ACOT12: variants seen among roughly 807,000 people sequenced by gnomAD.
The protein encoded by ACOT12 is acyl-CoA thioesterase 12.
A neutral mutation model predicts 67.7 loss-of-function variants in ACOT12; 51 were observed. The ratio of observed to expected loss-of-function variants is 0.75; its 90% confidence interval spans 0.60 to 0.95. The LOEUF is 0.95. Among genes scored for constraint, ACOT12 ranks in the 40% least tolerant of loss-of-function variants. The probability of loss-of-function intolerance (pLI) is 0.00; values close to 1 mark genes in which losing one functional copy is unlikely to be tolerated. For missense variants in ACOT12, 734 were observed against 708.1 expected (o/e 1.04, Z -0.41); for synonymous variants, 251 against 244.6 (o/e 1.03, Z -0.24).
intron 12 of ACOT12, among the ~76,000 whole-genome samples, chr5:81,334,110 A>G (rs77771613): frequency 0.025 from 3,807 of 152,128 alleles, 60 homozygotes; most frequent in African/African-American, 0.046. Context: ...TTCCCACTCC[A>G]TCCTCCTTCT....
intron 4 of ACOT12, among the ~76,000 whole-genome samples, chr5:81,361,339 CA>C (rs1446711408): frequency 3.3e-4 from 50 of 151,610 alleles, no homozygotes. Flanking sequence ...GGATTGCAGG[CA>C]AACGTCACTA....
chr5:81,350,767 G>T (rs1349016959), intron 5 of ACOT12, among the ~76,000 whole-genome samples: 2 of 152,190 alleles, frequency 1.3e-5, no homozygotes, highest in African/African-American at 4.8e-5. Context: ...GAAAGGGAGA[G>T]AATTTTTTTT....
At chr5:81,346,091 T>G in intron 6 of ACOT12, 87 bp from the exon 7 acceptor site, 1 of 1,546,354 alleles carries the variant, frequency 6.5e-7, no homozygotes, top group Non-Finnish European at 8.7e-7. Flanking sequence ...CAAATAAGCA[T>G]TTCTTTAAAT....
intron 8 of ACOT12, 50 bp from the exon 9 acceptor site, chr5:81,344,265 T>C: frequency 6.5e-7 from 1 of 1,534,268 alleles, no homozygotes; most frequent in Non-Finnish European, 8.9e-7. Context: ...AAATATCTAC[T>C]ATCTTAGTGC....
chr5:81,380,016 G>A (rs987284567), intron 2 of ACOT12, among the ~76,000 whole-genome samples: 1 of 152,164 alleles, frequency 6.6e-6, no homozygotes, highest in African/African-American at 2.4e-5. Flanking sequence ...ATAATCTGTA[G>A]CATTTTTTGG....
In ACOT12 at chr5:81,350,837, A is replaced by G. The variant is rs1301799605; in HGVS notation, c.497-2907T>C. ...TGGAATTTTTCTGGTTGACTCACTGAGGGAATCACCTTTTGGAGGTTCCAG... is the reference window on the plus strand; with the variant it reads ...TGGAATTTTTCTGGTTGACTCACTGGGGGAATCACCTTTTGGAGGTTCCAG... On this transcript the variant is annotated intron_variant, in intron 5 of 14. Transcript: ENST00000307624. Among the ~76,000 whole-genome samples the G allele has an allele frequency of 2.6e-5, 4 of 152,104 alleles. No homozygotes were observed. In the East Asian group the frequency reaches 7.7e-4, roughly 29 times the overall value.
chr5:81,382,873 C>A (rs1760624516), intron 2 of ACOT12, among the ~76,000 whole-genome samples: 1 of 151,970 alleles, frequency 6.6e-6, no homozygotes, highest in African/African-American at 2.4e-5. Flanking sequence ...TCCATAGGCT[C>A]TTAATGAATA....
chr5:81,339,907 T>C (rs932245434), intron 11 of ACOT12, among the ~76,000 whole-genome samples: 8 of 152,206 alleles, frequency 5.3e-5, no homozygotes, highest in Non-Finnish European at 7.4e-5. Context: ...TTTTTTTTTA[T>C]AGAGATGAAG....
rs1174268002 is a variant in ACOT12, at chr5:81,363,864, T to A, written c.284A>T (p.Asp95Val). ...AAGCTTCTCAATGCCAGTGAGCATA[T>A]CCTGTACCATGACCTTGATACTGAT... ...MEISIKVMVQ[D>V]MLTGIEKLVS... Residue 95 changes from aspartate (D) to valine (V), a missense_variant, in exon 4 of 15, where the codon GAT (aspartate) becomes GTT (valine). Transcript: ENST00000307624. 7 of 1,610,204 alleles carry A rather than the reference T, an allele frequency of 4.3e-6. No homozygotes were observed. The highest frequency in any genetic ancestry group is 5.9e-6 in the Non-Finnish European group (7 of 1,178,394).
At chr5:81,318,103 G>T in the ACOT12 span, among the ~76,000 whole-genome samples, 1 of 151,900 alleles carries the variant, frequency 6.6e-6, no homozygotes, top group Admixed American at 6.6e-5. Flanking sequence ...GGCTAGTCTC[G>T]ACCTCCTGAC....
the ACOT12 span, among the ~76,000 whole-genome samples, chr5:81,323,920 G>GTGTATATATACA: frequency 1.4e-5 from 2 of 140,746 alleles, no homozygotes; most frequent in Non-Finnish European, 3.1e-5. Flanking sequence ...GTATATATAC[G>GTGTATATATACA]TGTATATATA....
intron 2 of ACOT12, among the ~76,000 whole-genome samples, chr5:81,380,573 A>G (rs1271374887): frequency 2.0e-5 from 3 of 147,718 alleles, no homozygotes; most frequent in African/African-American, 7.6e-5. Flanking sequence ...GAAAAAAAAA[A>G]AAAAAAAGAA....
intron 2 of ACOT12, among the ~76,000 whole-genome samples, chr5:81,378,528 C>A (rs1760486366): frequency 6.6e-6 from 1 of 152,106 alleles, no homozygotes; most frequent in Non-Finnish European, 1.5e-5. Context: ...GCAAAAGAAA[C>A]TATCATCAGA....
chr5:81,393,260 C>T (rs867195631), intron 1 of ACOT12, among the ~76,000 whole-genome samples: 1 of 152,124 alleles, frequency 6.6e-6, no homozygotes, highest in African/African-American at 2.4e-5. Flanking sequence ...CCACTCCTCT[C>T]GCTACACTTT....
In ACOT12 at chr5:81,385,781, T is replaced by A. The variant is rs1760709972; in HGVS notation, c.173A>T (p.Asp58Val). 6.2e-7 allele frequency: 1 copy of A among 1,614,002 alleles called. No individual in the cohort carries two copies. The highest frequency in any genetic ancestry group is 1.3e-5 in the African/African-American group (1 of 74,920). The stretch of plus-strand genomic sequence containing the variant: ...CCTAGCTGTCTCCTCAAACTGTATG[T>A]CATCCACTGAGGCTGTAACGCAGGA... The part of the protein sequence containing the change: ...GVSCVTASVD[D>V]IQFEETARVG... The change falls in exon 2 of 15, where the codon GAC (aspartate) becomes GTC (valine). Residue 58 changes from aspartate to valine, a missense_variant. Coordinates refer to ENST00000307624, the MANE Select transcript of ACOT12 (RefSeq NM_130767.3).
In ACOT12 at chr5:81,363,917, C is replaced by T. The variant is rs773721985; in HGVS notation, c.259-28G>A. 2.0e-6 allele frequency: 3 copies of T among 1,473,330 alleles called. No individual in the cohort carries two copies. The Admixed American group carries it at 6.2e-5, about 30-fold the overall frequency. 91.3% of individuals were successfully genotyped at this position (1,473,330 alleles called of 1,614,324 possible). A position where few individuals can be genotyped will look rare whatever the true frequency, so the allele number is the denominator to read the frequency against. On this transcript the variant is annotated intron_variant, in intron 3 of 14. Transcript: ENST00000307624. ...AAAATGAAAAAAAGATAAATAAATA[C>T]ACTCTTGGCCAGTTCAGATTTCAGC...
At chr5:81,392,030 T>C (rs144343529) in intron 1 of ACOT12, among the ~76,000 whole-genome samples, 107 of 152,332 alleles carry the variant, frequency 7.0e-4, no homozygotes, top group African/African-American at 2.5e-3. Context: ...ATTACTCAGA[T>C]AGCTTCAAGA....
intron 10 of ACOT12, among the ~76,000 whole-genome samples, 177 bp downstream of exon 10, chr5:81,343,641 C>T (rs1043598818): frequency 2.6e-5 from 4 of 152,242 alleles, no homozygotes; most frequent in Admixed American, 6.5e-5. Context: ...GCTAAACTGC[C>T]GATTGGTAAG....
At chr5:81,348,643 C>T (rs533978717) in intron 5 of ACOT12, among the ~76,000 whole-genome samples, 2 of 152,336 alleles carry the variant, frequency 1.3e-5, no homozygotes, top group Admixed American at 1.3e-4. Context: ...CAGCTCACTG[C>T]AACCTCAGCC....
Sources: gnomAD v4.1 joint callset for allele counts (sites outside exome capture counted in the v4.1 genomes callset) on GRCh38, gnomAD v4.1.1 for gene constraint, MANE v1.5 for transcripts, NCBI Gene and HGNC (gene_info 2026-07-23, HGNC 2026-07-21) for gene names.